KDM5A: variants seen among roughly 807,000 people sequenced by gnomAD.
The protein encoded by KDM5A is lysine demethylase 5A, also known as lysine-specific demethylase 5A.
KDM5A carries 42 observed loss-of-function variants against 193.5 expected under a neutral mutation model. The observed-to-expected ratio is 0.22, with a 90% CI of 0.17 to 0.28. The LOEUF (loss-of-function observed/expected upper bound fraction) is 0.28, where lower values mean the gene tolerates loss of function less well. Among genes scored for constraint, KDM5A ranks in the 10% least tolerant of loss-of-function variants. The pLI is 1.00. For synonymous variants in KDM5A, 796 were observed against 718.1 expected, an observed-to-expected ratio of 1.11 and a Z score of -1.73; for missense variants, 1,692 against 2,055.1, an observed-to-expected ratio of 0.82 and a Z score of 3.42.
At chr12:299,841 GAGGA>G (rs2137376170) in intron 24 of KDM5A, among the ~76,000 whole-genome samples, 1 of 151,934 alleles carries the variant, frequency 6.6e-6, no homozygotes, top group Admixed American at 6.6e-5. Context: ...TAAAGGGATG[GAGGA>G]AGATCTACCA....
In KDM5A at chr12:285,385, C is replaced by A. The variant is rs1943207550; in HGVS notation, c.*71G>T. ...AAGCAACATTCCAAGTGGATATAAA[C>A]CACTCTACTTGATGACTAAGGTCTC... On this transcript the variant is annotated 3_prime_UTR_variant, in exon 28 of 28. Transcript: ENST00000399788. 3.7e-6 allele frequency: 5 copies of A among 1,348,594 alleles called. No homozygotes were observed. Among genetic ancestry groups the A allele is most frequent in the Non-Finnish European group, 5.3e-6 (5 of 940,668 alleles). The allele number at this position is 1,348,594 out of a possible 1,614,324, so 83.5% of individuals were successfully genotyped here. A position where few individuals can be genotyped will look rare whatever the true frequency, so the allele number is the denominator to read the frequency against.
rs748109035 is a variant in KDM5A, at chr12:363,070, T to G, written c.565A>C (p.Lys189Gln). Residue 189 changes from lysine to glutamine, a missense_variant, in exon 5 of 28, where the codon AAA (lysine) becomes CAA (glutamine). Lys to Gln is a moderately conservative substitution (Grantham distance 53, BLOSUM62 1). Coordinates refer to ENST00000399788, the MANE Select transcript of KDM5A (RefSeq NM_001042603.3). ...MGVQMPNLDL[K>Q]EKVEPEVLST... ...AGAACCTCAGGCTCCACTTTTTCTT[T>G]AAGATCTAAATTAGGCATCTGCACA... 1.9e-6 allele frequency: 3 copies of G among 1,614,074 alleles called. No homozygotes were observed. Among genetic ancestry groups the G allele is most frequent in the Non-Finnish European group, 2.5e-6 (3 of 1,179,948 alleles).
chr12:365,178 G>C (rs1944341810), intron 4 of KDM5A, among the ~76,000 whole-genome samples: 1 of 152,012 alleles, frequency 6.6e-6, no homozygotes, highest in Non-Finnish European at 1.5e-5. Flanking sequence ...ACAGTCTCTG[G>C]AGTAGCTGGG....
chr12:355,162 T>C lies in KDM5A; in HGVS notation c.866A>G (p.Asn289Ser), dbSNP rs1409291754. The part of the protein sequence containing the change: ...MRQRKGTLSV[N>S]FVDLYVCMFC... Reference sequence around the variant, plus strand: ...GACAGACCCCAAAACACTTACAAAGTTAACAGAGAGAGTGCCTTTCCGTTG... The same window carrying C: ...GACAGACCCCAAAACACTTACAAAGCTAACAGAGAGAGTGCCTTTCCGTTG... The change falls in exon 7 of 28, where the codon AAC (asparagine) becomes AGC (serine). Residue 289 changes from asparagine to serine, a missense_variant. By Grantham distance (46) the Asn-to-Ser change is conservative. This residue lies in a region of KDM5A where 134 missense variants were observed against 124.2 expected (regional missense o/e 1.08). Coordinates refer to ENST00000399788, the MANE Select transcript of KDM5A (RefSeq NM_001042603.3). 4 of 1,589,688 alleles carry C rather than the reference T, an allele frequency of 2.5e-6. No individual in the cohort carries two copies. The highest frequency in any genetic ancestry group is 3.5e-6 in the Non-Finnish European group (4 of 1,157,642).
intron 15 of KDM5A, 84 bp downstream of exon 15, chr12:323,516 T>TAA: frequency 7.5e-7 from 1 of 1,331,610 alleles, no homozygotes; most frequent in Non-Finnish European, 1.1e-6. Context: ...AGTAAAGGAG[T>TAA]AAAGTAAGGG....
chr12:356,576 T>G, intron 5 of KDM5A, 39 bp from the exon 6 acceptor site: 1 of 1,261,766 alleles, frequency 7.9e-7, no homozygotes, highest in Non-Finnish European at 1.2e-6. Context: ...ATAATCATGC[T>G]GATTCATGCA....
At chr12:309,275 A>T (rs1051993637) in intron 22 of KDM5A, among the ~76,000 whole-genome samples, 1 of 152,200 alleles carries the variant, frequency 6.6e-6, no homozygotes, top group Non-Finnish European at 1.5e-5. Flanking sequence ...CAAAAACTGG[A>T]TAATTATTTC....
At chr12:348,281 G>A (rs1257673113) in intron 10 of KDM5A, among the ~76,000 whole-genome samples, 5 of 152,202 alleles carry the variant, frequency 3.3e-5, no homozygotes, top group Non-Finnish European at 7.3e-5. Context: ...GAGAGGATGT[G>A]GAGAAATAGG....
At chr12:295,879 C>T in intron 25 of KDM5A, 86 bp from the exon 26 acceptor site, 2 of 1,046,684 alleles carry the variant, frequency 1.9e-6, no homozygotes, top group East Asian at 2.5e-5. Flanking sequence ...TGAGACTAGC[C>T]CCCCATCCCC....
intron 10 of KDM5A, among the ~76,000 whole-genome samples, chr12:342,846 C>T (rs1332579601): frequency 2.6e-5 from 4 of 151,478 alleles, no homozygotes; most frequent in Non-Finnish European, 5.9e-5. Flanking sequence ...CGGCCTACAG[C>T]TTCCAGCGTG....
At chr12:322,331 A>G (rs1943727658) in intron 17 of KDM5A, 86 bp downstream of exon 17, 1 of 1,237,692 alleles carries the variant, frequency 8.1e-7, no homozygotes, top group African/African-American at 1.5e-5. Context: ...AAGATAATGT[A>G]CGGCTTCACA....
intron 15 of KDM5A, 39 bp from the exon 16 acceptor site, chr12:323,245 CAG>C (rs746355625): frequency 6.5e-4 from 783 of 1,208,334 alleles, no homozygotes; most frequent in Non-Finnish European, 7.6e-4. Flanking sequence ...AAAAAGAAAA[CAG>C]AAATAAAAAC....
chr12:302,971 A>G (rs1318882719), intron 24 of KDM5A, among the ~76,000 whole-genome samples: 4 of 152,254 alleles, frequency 2.6e-5, no homozygotes, highest in Admixed American at 1.3e-4. Flanking sequence ...ATGAGATACC[A>G]TCTCACACCA....
chr12:320,595 G>A (rs972795781), intron 18 of KDM5A, among the ~76,000 whole-genome samples: 3 of 151,980 alleles, frequency 2.0e-5, no homozygotes, highest in Non-Finnish European at 4.4e-5. Flanking sequence ...TAACTATGGA[G>A]ATTAATATAT....
rs1327022925 is a variant in KDM5A at position 283,562 on chromosome 12, G to C, written c.*1894C>G. 2 of 232,642 alleles carry C rather than the reference G, an allele frequency of 8.6e-6. No homozygotes were observed. Among genetic ancestry groups the C allele is most frequent in the Non-Finnish European group, 1.7e-5 (2 of 117,612 alleles). The allele number at this position is 232,642 out of a possible 1,614,324, so 14.4% of individuals were successfully genotyped here. On this transcript the variant is annotated 3_prime_UTR_variant, in exon 28 of 28. Transcript: ENST00000399788. ...TAAGAAAACATCTTTTTTTTTGTAA[G>C]ATTCCTTTTGAGTTAAATCTCATAC...
chr12:332,032 T>C (rs896543398), intron 12 of KDM5A, 94 bp from the exon 13 acceptor site: 2 of 1,207,500 alleles, frequency 1.7e-6, no homozygotes, highest in Non-Finnish European at 2.4e-6. Flanking sequence ...AGATGCATTT[T>C]CTAAAACTGA....
chr12:379,318 C>T (rs953040174), intron 3 of KDM5A, among the ~76,000 whole-genome samples: 4 of 152,080 alleles, frequency 2.6e-5, no homozygotes, highest in African/African-American at 7.2e-5. Flanking sequence ...AATAAAATGT[C>T]ATGTTAATGA....
At chr12:369,891 TCCAGTCATGATGTC>T (rs1944404705) in intron 3 of KDM5A, among the ~76,000 whole-genome samples, 1 of 152,218 alleles carries the variant, frequency 6.6e-6, no homozygotes. Context: ...CCTGCATGGA[TCCAGTCATGATGTC>T]CCACCCAGTT....
rs753189182 is a variant in KDM5A at position 331,944 on chromosome 12, T to C, written c.1654-6A>G. 4 of 1,613,388 alleles carry C rather than the reference T, an allele frequency of 2.5e-6. No individual in the cohort carries two copies. The highest frequency in any genetic ancestry group is 1.1e-5 in the South Asian group (1 of 91,068). On this transcript the variant is annotated splice_region_variant and splice_polypyrimidine_tract_variant and intron_variant, in intron 12 of 27. Coordinates refer to ENST00000399788, the MANE Select transcript of KDM5A (RefSeq NM_001042603.3). Reference sequence around the variant, plus strand: ...CACTGATTGGTCCTGTACACCTAAATGCAAATTGGGAACAGGGATACAAAA... The same window carrying C: ...CACTGATTGGTCCTGTACACCTAAACGCAAATTGGGAACAGGGATACAAAA...
Sources: gnomAD v4.1 joint callset for allele counts (sites outside exome capture counted in the v4.1 genomes callset) on GRCh38, gnomAD v4.1.1 for gene constraint, gnomAD v4.1.1 regional missense constraint, MANE v1.5 for transcripts, NCBI Gene and HGNC (gene_info 2026-07-23, HGNC 2026-07-21) for gene names.